ALK: variants seen among roughly 807,000 people sequenced by gnomAD.
ALK encodes ALK tyrosine kinase receptor.
ALK carries 74 observed loss-of-function variants against 163.1 expected under a neutral mutation model. The ratio of observed to expected loss-of-function variants is 0.45; its 90% CI spans 0.38 to 0.55. The LOEUF (loss-of-function observed/expected upper bound fraction) is 0.55, where lower values mean the gene tolerates loss of function less well. Among genes scored for constraint, ALK ranks in the 20% least tolerant of loss-of-function variants. ALK has a pLI of 0.00. For missense variants in ALK, 2,063 were observed against 2,105.3 expected (o/e 0.98, Z 0.39); for synonymous variants, 960 against 843.2 (o/e 1.14, Z -2.40).
chr2:29,729,877 C>T (rs1679686874), intron 1 of ALK, among the ~76,000 whole-genome samples: 1 of 152,198 alleles, frequency 6.6e-6, no homozygotes, highest in African/African-American at 2.4e-5. Flanking sequence ...CCTCCAGCAT[C>T]CAGAGAAGCC....
intron 23 of ALK, among the ~76,000 whole-genome samples, chr2:29,220,140 G>A (rs367676043): frequency 2.6e-5 from 4 of 152,282 alleles, no homozygotes; most frequent in South Asian, 2.1e-4. Context: ...CAAATCTTAC[G>A]TTGAATTGTA....
At chr2:29,893,519 A>T (rs1667198083) in intron 1 of ALK, among the ~76,000 whole-genome samples, 1 of 152,196 alleles carries the variant, frequency 6.6e-6, no homozygotes, top group Non-Finnish European at 1.5e-5. Flanking sequence ...TATAACTAAC[A>T]ACCTCCCGAA....
At chr2:29,563,448 G>T (rs779641853) in intron 3 of ALK, among the ~76,000 whole-genome samples, 1 of 152,156 alleles carries the variant, frequency 6.6e-6, no homozygotes, top group Non-Finnish European at 1.5e-5. Context: ...TCAAAACCTA[G>T]CACATGCCCT....
chr2:29,213,393 CAACA>C (rs769702299), intron 24 of ALK, among the ~76,000 whole-genome samples: 8 of 152,108 alleles, frequency 5.3e-5, no homozygotes, highest in Non-Finnish European at 7.3e-5. Flanking sequence ...TTAATGTATC[CAACA>C]AACATTGTGT....
At chr2:29,594,326 A>G (rs1675141287) in intron 3 of ALK, among the ~76,000 whole-genome samples, 2 of 152,010 alleles carry the variant, frequency 1.3e-5, no homozygotes, top group Admixed American at 1.3e-4. Flanking sequence ...ATCTCTTCCC[A>G]ACTCCACATT....
At chr2:29,743,170 T>C (rs1680108067) in intron 1 of ALK, among the ~76,000 whole-genome samples, 1 of 152,198 alleles carries the variant, frequency 6.6e-6, no homozygotes, top group Non-Finnish European at 1.5e-5. Flanking sequence ...AAAGCAACAA[T>C]CCATTTTTCC....
chr2:29,398,665 T>C (rs539881001), intron 4 of ALK, among the ~76,000 whole-genome samples: 1 of 152,172 alleles, frequency 6.6e-6, no homozygotes, highest in African/African-American at 2.4e-5. Flanking sequence ...ATGTTTCTTA[T>C]GGAGCTGGGC....
intron 4 of ALK, among the ~76,000 whole-genome samples, chr2:29,517,478 C>T (rs569733266): frequency 2.6e-5 from 4 of 152,270 alleles, no homozygotes; most frequent in East Asian, 1.9e-4. Flanking sequence ...TCTATGAGGA[C>T]GTCCAGATTT....
At chr2:29,629,427 G>A (rs933580686) in intron 3 of ALK, among the ~76,000 whole-genome samples, 35 of 152,130 alleles carry the variant, frequency 2.3e-4, no homozygotes, top group African/African-American at 8.4e-4. Flanking sequence ...CCCACAACAG[G>A]AGTTTTACTT....
intron 3 of ALK, among the ~76,000 whole-genome samples, chr2:29,538,841 A>C (rs1673332802): frequency 6.6e-6 from 1 of 152,182 alleles, no homozygotes; most frequent in Non-Finnish European, 1.5e-5. Context: ...ATAGGACAAT[A>C]AGAAAAATAA....
Position 29,693,299 on chromosome 2 carries a change from C to T in ALK, c.952+1551G>A, listed in dbSNP as rs573377127. ...GTAAAATACACAGACACGTAGTCTC[C>T]ATCTCAGATCTATTGAATCAGAATC... On this transcript the variant is annotated intron_variant, in intron 3 of 28. Coordinates refer to ENST00000389048, the MANE Select transcript of ALK (RefSeq NM_004304.5). Among the ~76,000 whole-genome samples, 4 of 152,084 alleles carry T rather than the reference C, an allele frequency of 2.6e-5. No homozygotes were observed. In the South Asian group the frequency reaches 6.2e-4, roughly 24 times the overall value.
chr2:29,401,666 C>T (rs1669448816), intron 4 of ALK, among the ~76,000 whole-genome samples: 1 of 152,160 alleles, frequency 6.6e-6, no homozygotes, highest in South Asian at 2.1e-4. Context: ...GCACATCAGA[C>T]CTAGTACCTT....
rs1667973227 is a variant in ALK at position 29,920,645 on chromosome 2, C to T, written c.15G>A (p.Gly5=). Residue 5 remains glycine, a synonymous_variant, in exon 1 of 29, where the codon GGG becomes GGA. Coordinates refer to ENST00000389048, the MANE Select transcript of ALK (RefSeq NM_004304.5). MGAI[G]LLWLLPLLLS... ...GCAGCAGCGGCAGGAGCCACAGGAGCCCGATGGCTCCCATCCCGCCGGAGG... is the reference window on the plus strand; with the variant it reads ...GCAGCAGCGGCAGGAGCCACAGGAGTCCGATGGCTCCCATCCCGCCGGAGG... 2 of 1,537,622 alleles carry T rather than the reference C, an allele frequency of 1.3e-6. No individual in the cohort carries two copies. The highest frequency in any genetic ancestry group is 8.7e-7 in the Non-Finnish European group (1 of 1,148,874).
At chr2:29,763,838 C>A (rs1236674043) in intron 1 of ALK, among the ~76,000 whole-genome samples, 1 of 152,104 alleles carries the variant, frequency 6.6e-6, no homozygotes, top group Non-Finnish European at 1.5e-5. Context: ...CACAATAGAG[C>A]CCAGGCCAAT....
At chr2:29,350,682 C>T (rs191636523) in intron 5 of ALK, among the ~76,000 whole-genome samples, 2 of 152,352 alleles carry the variant, frequency 1.3e-5, no homozygotes, top group East Asian at 1.9e-4. Flanking sequence ...CACCTGCTCA[C>T]AGGCAGTCAC....
chr2:29,341,318 G>A (rs1013307222), intron 5 of ALK, among the ~76,000 whole-genome samples: 2 of 152,186 alleles, frequency 1.3e-5, no homozygotes, highest in African/African-American at 2.4e-5. Flanking sequence ...GATGATGGCT[G>A]CCCACTCATA....
intron 11 of ALK, among the ~76,000 whole-genome samples, chr2:29,274,263 A>G (rs114495703): frequency 5.7e-4 from 87 of 152,390 alleles, no homozygotes; most frequent in African/African-American, 2.0e-3. Context: ...ATTTCACATT[A>G]TAAGTTGAAA....
At chr2:29,437,685 C>G (rs951419665) in intron 4 of ALK, among the ~76,000 whole-genome samples, 2 of 152,186 alleles carry the variant, frequency 1.3e-5, no homozygotes, top group Non-Finnish European at 2.9e-5. Flanking sequence ...GAGCAAAGTC[C>G]TGCTTCCCTA....
intron 1 of ALK, among the ~76,000 whole-genome samples, chr2:29,805,776 C>T (rs952069282): frequency 1.3e-5 from 2 of 152,188 alleles, no homozygotes; most frequent in African/African-American, 4.8e-5. Flanking sequence ...CATGTCTTGG[C>T]TATTGTGAAT....
Sources: allele counts gnomAD v4.1 joint callset (sites outside exome capture counted in the v4.1 genomes callset), GRCh38; gene constraint gnomAD v4.1.1; transcripts MANE v1.5; gene names NCBI Gene and HGNC (gene_info 2026-07-23, HGNC 2026-07-21).